The following ROBO1 variants were observed in gnomAD, a reference collection of about 807,000 sequenced individuals.
ROBO1 encodes roundabout guidance receptor 1.
Under a neutral mutation model 195.9 loss-of-function variants are expected in ROBO1, and 149 were observed. The ratio of observed to expected loss-of-function variants is 0.76; its 90% CI spans 0.67 to 0.87. The LOEUF is 0.87. Among genes scored for constraint, ROBO1 ranks in the 40% least tolerant of loss-of-function variants. The probability of loss-of-function intolerance (pLI) is 0.00; values close to 1 mark genes in which losing one functional copy is unlikely to be tolerated. For missense variants in ROBO1, 1,933 were observed against 2,068.3 expected (o/e 0.93, Z 1.27); for synonymous variants, 816 against 733.2 (o/e 1.11, Z -1.82).
chr3:79,173,413 G>A (rs916233074), intron 2 of ROBO1, among the ~76,000 whole-genome samples: 10 of 151,918 alleles, frequency 6.6e-5, no homozygotes, highest in South Asian at 2.1e-4. Flanking sequence ...GTGTGGGCTC[G>A]GCGGGCCCGC....
At chr3:79,400,683 G>T (rs989325798) in intron 2 of ROBO1, among the ~76,000 whole-genome samples, 3 of 151,936 alleles carry the variant, frequency 2.0e-5, no homozygotes, top group African/African-American at 7.2e-5. Context: ...TCTAAATAAT[G>T]CATGTCCTAA....
intron 2 of ROBO1, among the ~76,000 whole-genome samples, chr3:79,440,331 C>A (rs917045432): frequency 6.6e-6 from 1 of 152,098 alleles, no homozygotes; most frequent in African/African-American, 2.4e-5. Flanking sequence ...ACACTCACTG[C>A]CACTTACCCG....
intron 4 of ROBO1, among the ~76,000 whole-genome samples, chr3:78,887,303 G>T (rs557510662): frequency 6.6e-6 from 1 of 152,092 alleles, no homozygotes; most frequent in Non-Finnish European, 1.5e-5. Context: ...TGTTAAAAAG[G>T]GCTGTTGAGA....
intron 2 of ROBO1, among the ~76,000 whole-genome samples, chr3:79,257,507 T>G (rs2082857214): frequency 6.6e-6 from 1 of 152,166 alleles, no homozygotes; most frequent in Admixed American, 6.6e-5. Context: ...TACTCCATCA[T>G]GGAAGTCTCT....
chr3:78,742,192 G>A (rs1246932163), intron 5 of ROBO1, among the ~76,000 whole-genome samples: 1 of 152,062 alleles, frequency 6.6e-6, no homozygotes, highest in Non-Finnish European at 1.5e-5. Context: ...AACCAAAACT[G>A]TAGCAATAAG....
rs186604019 is a variant in ROBO1, at chr3:79,444,803, A to C, written c.88+145021T>G. 2.5e-4 allele frequency among the ~76,000 whole-genome samples: 38 copies of C among 152,316 alleles called. No homozygotes were observed. The East Asian group carries it at 7.1e-3, about 29-fold the overall frequency. The stretch of plus-strand genomic sequence containing the variant: ...AAATTTAAATAATGCTATATGCATT[A>C]ACATAAATGAATATCACTAATAATG... On this transcript the variant is annotated intron_variant, in intron 2 of 30. Transcript: ENST00000464233.
chr3:79,755,659 T>C (rs1326797711), intron 1 of ROBO1, among the ~76,000 whole-genome samples: 3 of 141,824 alleles, frequency 2.1e-5, no homozygotes, highest in Non-Finnish European at 3.2e-5. Context: ...ATCATTATAA[T>C]AAGAAGAAAA....
chr3:79,185,705 G>T (rs531608151), intron 2 of ROBO1, among the ~76,000 whole-genome samples: 15 of 152,024 alleles, frequency 9.9e-5, no homozygotes, highest in Non-Finnish European at 2.1e-4. Context: ...TGTTGTTGTC[G>T]TTCAGTATCT....
At position 78,864,585 on chromosome 3, in the gene ROBO1, C is replaced by T. The variant is rs2035049504; in HGVS notation, c.499+74016G>A. On this transcript the variant is annotated intron_variant, in intron 4 of 30. Coordinates refer to ENST00000464233, the MANE Select transcript of ROBO1 (RefSeq NM_002941.4). ...TTAAATTAACCTTGAAATTCATTTT[C>T]AAAATTGGATGAAGTAAATACATGT... Among the ~76,000 whole-genome samples, 5 of 151,906 alleles carry T rather than the reference C, an allele frequency of 3.3e-5. No individual in the cohort carries two copies. In the South Asian group the frequency reaches 1.0e-3, roughly 32 times the overall value.
At chr3:79,635,578 T>G (rs1293461836) in intron 1 of ROBO1, among the ~76,000 whole-genome samples, 1 of 152,200 alleles carries the variant, frequency 6.6e-6, no homozygotes, top group Non-Finnish European at 1.5e-5. Flanking sequence ...TCTTTGAATT[T>G]TATTTTTGTT....
chr3:79,062,752 T>C (rs917250789), intron 3 of ROBO1, among the ~76,000 whole-genome samples: 1 of 151,978 alleles, frequency 6.6e-6, no homozygotes, highest in Non-Finnish European at 1.5e-5. Flanking sequence ...AAACACCACA[T>C]GTTCTCACTC....
chr3:78,787,353 A>G (rs1327895287), intron 4 of ROBO1, among the ~76,000 whole-genome samples: 2 of 152,240 alleles, frequency 1.3e-5, no homozygotes, highest in Non-Finnish European at 2.9e-5. Context: ...GGACATAAAA[A>G]GCAGTATTTT....
chr3:78,849,446 C>G (rs989618280), intron 4 of ROBO1, among the ~76,000 whole-genome samples: 1 of 152,064 alleles, frequency 6.6e-6, no homozygotes, highest in African/African-American at 2.4e-5. Context: ...ACAGCACTTT[C>G]ACATGTCTGG....
At chr3:79,268,540 C>T (rs555801800) in intron 2 of ROBO1, among the ~76,000 whole-genome samples, 1 of 151,538 alleles carries the variant, frequency 6.6e-6, no homozygotes, top group African/African-American at 2.4e-5. Flanking sequence ...TTTTACACAC[C>T]ATGTTGGTTT....
intron 3 of ROBO1, among the ~76,000 whole-genome samples, chr3:78,939,887 T>C (rs1164724102): frequency 6.6e-6 from 1 of 152,080 alleles, no homozygotes; most frequent in Non-Finnish European, 1.5e-5. Context: ...GGCTTCATTC[T>C]GGACCTTACA....
intron 3 of ROBO1, among the ~76,000 whole-genome samples, chr3:78,948,448 T>C (rs570631590): frequency 6.6e-6 from 1 of 152,252 alleles, no homozygotes; most frequent in African/African-American, 2.4e-5. Context: ...GAAAAGGCCT[T>C]TGACAAAATT....
intron 2 of ROBO1, among the ~76,000 whole-genome samples, chr3:79,345,620 C>T (rs914954376): frequency 5.3e-5 from 8 of 152,078 alleles, no homozygotes; most frequent in African/African-American, 1.9e-4. Context: ...GATAAAGACC[C>T]ACACCGTTTT....
At chr3:78,605,511 A>G (rs1230534206) in intron 29 of ROBO1, among the ~76,000 whole-genome samples, 2 of 152,244 alleles carry the variant, frequency 1.3e-5, no homozygotes. Flanking sequence ...CTTCCTGGAT[A>G]GCTGATTGAT....
At chr3:78,800,197 A>C (rs2084322158) in intron 4 of ROBO1, among the ~76,000 whole-genome samples, 1 of 152,186 alleles carries the variant, frequency 6.6e-6, no homozygotes, top group Non-Finnish European at 1.5e-5. Flanking sequence ...ATGTATTTTA[A>C]AATTCTGCAT....
Sources: allele counts gnomAD v4.1 joint callset (sites outside exome capture counted in the v4.1 genomes callset), GRCh38; gene constraint gnomAD v4.1.1; transcripts MANE v1.5; gene names NCBI Gene and HGNC (gene_info 2026-07-23, HGNC 2026-07-21).